Variants in TAFA2 observed in about 807,000 individuals in gnomAD.
The protein encoded by TAFA2 is TAFA chemokine like family member 2.
TAFA2 carries 7 observed loss-of-function variants against 18.8 expected under a neutral mutation model. That is an observed-to-expected ratio of 0.37 (90% confidence interval 0.21 to 0.70). The LOEUF (loss-of-function observed/expected upper bound fraction) is 0.70, where lower values mean the gene tolerates loss of function less well. Among genes scored for constraint, TAFA2 ranks in the 30% least tolerant of loss-of-function variants. TAFA2 has a pLI of 0.53. For missense variants in TAFA2, 122 were observed against 158.1 expected, an observed-to-expected ratio of 0.77 and a Z score of 1.23; for synonymous variants, 60 against 54.2, an observed-to-expected ratio of 1.11 and a Z score of -0.47.
chr12:61,946,329 C>T (rs1878268137), intron 1 of TAFA2, among the ~76,000 whole-genome samples: 1 of 147,332 alleles, frequency 6.8e-6, no homozygotes, highest in African/African-American at 2.5e-5. Flanking sequence ...AAGATTTAAA[C>T]GTTAGACCTA....
Position 62,233,758 on chromosome 12 carries a change from C to T in TAFA2, c.-130+25005G>A, listed in dbSNP as rs149069742. Among the ~76,000 whole-genome samples, 169 of 152,260 alleles carry T rather than the reference C, an allele frequency of 1.1e-3. 1 individual carries two copies. In the East Asian group the frequency reaches 0.019, roughly 17 times the overall value. ...GCTAGTGAATGGGTCAAAAATGAGC[C>T]CCTTCTGCTCCTGTTCTTTTAATCA... On this transcript the variant is annotated intron_variant, in intron 1 of 5. Transcript: ENST00000551619.
chr12:61,721,823 G>T (rs1328676409), intron 4 of TAFA2, among the ~76,000 whole-genome samples: 1 of 152,004 alleles, frequency 6.6e-6, no homozygotes, highest in Non-Finnish European at 1.5e-5. Context: ...TGGGGGTGGT[G>T]GCGGTTGCCT....
chr12:61,730,141 TA>T (rs1870371267), intron 4 of TAFA2, among the ~76,000 whole-genome samples: 1 of 152,134 alleles, frequency 6.6e-6, no homozygotes, highest in Non-Finnish European at 1.5e-5. Flanking sequence ...GGGAGTGAAT[TA>T]AATTCTGTGG....
intron 2 of TAFA2, among the ~76,000 whole-genome samples, chr12:61,779,256 A>C (rs1192835079): frequency 6.6e-6 from 1 of 151,816 alleles, no homozygotes; most frequent in Admixed American, 6.6e-5. Flanking sequence ...GAGACAGAGA[A>C]TCCAAAGAGA....
intron 1 of TAFA2, among the ~76,000 whole-genome samples, chr12:62,039,922 T>C (rs1008752187): frequency 3.3e-5 from 5 of 152,208 alleles, no homozygotes; most frequent in African/African-American, 9.6e-5. Flanking sequence ...TCCTAGGTGA[T>C]GCAGATGCTG....
chr12:61,734,193 T>C (rs1026196017), intron 4 of TAFA2, among the ~76,000 whole-genome samples: 3 of 151,892 alleles, frequency 2.0e-5, no homozygotes, highest in Non-Finnish European at 4.4e-5. Context: ...TGGGGTTTTC[T>C]AGATACACAA....
In TAFA2 at chr12:62,090,620, A is replaced by G. The variant is rs1031547493; in HGVS notation, c.-2+100639T>C. Among the ~76,000 whole-genome samples the G allele has an allele frequency of 3.9e-5, 6 of 151,994 alleles. 1 individual carries two copies. ...CTACCAATCTTAGCACCAGAGCCTCAAGGTCAACTGAAGAACTAGACTGTT... is the reference window on the plus strand; with the variant it reads ...CTACCAATCTTAGCACCAGAGCCTCGAGGTCAACTGAAGAACTAGACTGTT... On this transcript the variant is annotated intron_variant, in intron 1 of 4. Transcript: ENST00000416284.
intron 1 of TAFA2, among the ~76,000 whole-genome samples, chr12:62,184,789 C>T (rs774168914): frequency 6.6e-6 from 1 of 151,890 alleles, no homozygotes; most frequent in African/African-American, 2.4e-5. Context: ...CATGAGCCAC[C>T]GTGCCTGGCT....
chr12:62,096,394 T>C (rs1868951512), intron 1 of TAFA2, among the ~76,000 whole-genome samples: 1 of 152,112 alleles, frequency 6.6e-6, no homozygotes, highest in Non-Finnish European at 1.5e-5. Context: ...GTTTAAAAAA[T>C]CTGAGATACA....
At chr12:61,822,788 G>C (rs1198906011) in intron 2 of TAFA2, among the ~76,000 whole-genome samples, 1 of 152,082 alleles carries the variant, frequency 6.6e-6, no homozygotes, top group Non-Finnish European at 1.5e-5. Flanking sequence ...CTAATATACA[G>C]TATATGCATA....
intron 1 of TAFA2, among the ~76,000 whole-genome samples, chr12:62,240,838 C>T (rs1275183418): frequency 6.6e-6 from 1 of 152,104 alleles, no homozygotes; most frequent in Non-Finnish European, 1.5e-5. Flanking sequence ...AGATTAGCGG[C>T]GGCATTAGAT....
At chr12:61,879,288 G>A (rs1217483364) in intron 1 of TAFA2, 2 of 441,790 alleles carry the variant, frequency 4.5e-6, no homozygotes, top group South Asian at 7.6e-5. Context: ...GCCTGGTTGG[G>A]GCCCACCTGC....
chr12:62,043,101 A>C (rs1037308080), intron 1 of TAFA2, among the ~76,000 whole-genome samples: 2 of 152,192 alleles, frequency 1.3e-5, no homozygotes, highest in Admixed American at 6.5e-5. Flanking sequence ...ATGTCATTTT[A>C]ATTCACAATA....
chr12:62,097,895 C>A lies in TAFA2; in HGVS notation c.-2+93364G>T, dbSNP rs144483818. Among the ~76,000 whole-genome samples the A allele has an allele frequency of 1.6e-3, 238 of 152,250 alleles. 1 individual carries two copies. Among genetic ancestry groups the A allele is most frequent in the African/African-American group, 5.6e-3 (231 of 41,560 alleles). ...CAGCTGTGTTCAAGATTCCCAGAGG[C>A]TGCTTTGTCATGAAAGTTTAAAGAT... On this transcript the variant is annotated intron_variant, in intron 1 of 4. Coordinates refer to ENST00000416284, the MANE Select transcript of TAFA2 (RefSeq NM_178539.5).
At chr12:62,217,425 C>G (rs998378657) in intron 1 of TAFA2, among the ~76,000 whole-genome samples, 1 of 152,178 alleles carries the variant, frequency 6.6e-6, no homozygotes, top group Non-Finnish European at 1.5e-5. Flanking sequence ...CAACTGGGCC[C>G]TGGTAGACAG....
intron 1 of TAFA2, chr12:62,023,840 T>A (rs1881227363): frequency 6.6e-6 from 1 of 152,128 alleles, no homozygotes; most frequent in Admixed American, 6.5e-5. Flanking sequence ...CCCCAAAAAC[T>A]TCCCATATAT....
intron 1 of TAFA2, among the ~76,000 whole-genome samples, chr12:62,178,399 A>G (rs1016191325): frequency 6.6e-6 from 1 of 152,208 alleles, no homozygotes; most frequent in Admixed American, 6.5e-5. Context: ...TTCTTAGAGT[A>G]GCTATTATAG....
intron 1 of TAFA2, among the ~76,000 whole-genome samples, chr12:62,206,460 A>T (rs2062692077): frequency 6.6e-6 from 1 of 152,194 alleles, no homozygotes; most frequent in Non-Finnish European, 1.5e-5. Flanking sequence ...ATTAATTCCA[A>T]TGCTTTATTT....
intron 2 of TAFA2, among the ~76,000 whole-genome samples, chr12:61,771,678 C>T (rs937532413): frequency 5.9e-5 from 9 of 151,648 alleles, no homozygotes; most frequent in African/African-American, 2.2e-4. Flanking sequence ...ATTACTTGAA[C>T]TGAACAATAA....
Sources: allele counts gnomAD v4.1 joint callset (sites outside exome capture counted in the v4.1 genomes callset), GRCh38; gene constraint gnomAD v4.1.1; transcripts MANE v1.5; gene names NCBI Gene and HGNC (gene_info 2026-07-23, HGNC 2026-07-21).